The following STK38L variants were observed in gnomAD, a reference collection of about 807,000 sequenced individuals.
STK38L encodes serine/threonine kinase 38 like, also known as serine/threonine-protein kinase 38-like.
STK38L carries 28 observed loss-of-function variants against 59.7 expected under a neutral mutation model. The ratio of observed to expected loss-of-function variants is 0.47; its 90% confidence interval spans 0.35 to 0.64. STK38L has a LOEUF of 0.64. STK38L is among the 30% of genes least tolerant of loss of function. STK38L has a pLI of 0.01. For missense variants in STK38L, 314 were observed against 555.8 expected (o/e 0.56, Z 4.37); for synonymous variants, 162 against 176.8 (o/e 0.92, Z 0.66).
chr12:27,265,035 A>G (rs1177589618), intron 1 of STK38L, among the ~76,000 whole-genome samples: 1 of 152,206 alleles, frequency 6.6e-6, no homozygotes, highest in Non-Finnish European at 1.5e-5. Flanking sequence ...AGCTTCTAAT[A>G]GATAAATCTG....
intron 2 of STK38L, among the ~76,000 whole-genome samples, chr12:27,298,970 A>G (rs1463752577): frequency 1.3e-5 from 2 of 152,214 alleles, no homozygotes; most frequent in African/African-American, 2.4e-5. Flanking sequence ...GATACAGAGA[A>G]TGGTTTGGGG....
intron 1 of STK38L, among the ~76,000 whole-genome samples, chr12:27,264,965 C>T (rs937442004): frequency 1.3e-5 from 2 of 152,054 alleles, no homozygotes; most frequent in Non-Finnish European, 2.9e-5. Context: ...TTGTTTAAAG[C>T]CATAGGAAAA....
chr12:27,266,050 C>T (rs1158274388), intron 1 of STK38L, among the ~76,000 whole-genome samples: 1 of 152,142 alleles, frequency 6.6e-6, no homozygotes, highest in Non-Finnish European at 1.5e-5. Flanking sequence ...CTGTGATACC[C>T]TGAAAAGACA....
intron 1 of STK38L, among the ~76,000 whole-genome samples, chr12:27,244,724 G>A (rs1942812574): frequency 6.6e-6 from 1 of 152,174 alleles, no homozygotes; most frequent in African/African-American, 2.4e-5. Flanking sequence ...ATGTCACCCA[G>A]AGCCAGGATC....
intron 1 of STK38L, among the ~76,000 whole-genome samples, chr12:27,279,289 AAT>A (rs1943602328): frequency 6.6e-6 from 1 of 152,234 alleles, no homozygotes; most frequent in South Asian, 2.1e-4. Context: ...GTGAAAATAA[AAT>A]AGTTGGTTTA....
rs909727420 is a variant in STK38L, at chr12:27,308,877, T to C, written c.310-237T>C. Among the ~76,000 whole-genome samples, 7 of 129,566 alleles carry C rather than the reference T, an allele frequency of 5.4e-5. No homozygotes were observed. The East Asian group carries it at 1.4e-3, about 25-fold the overall frequency. 85.0% of individuals were successfully genotyped at this position (129,566 alleles called of 152,430 possible). A position where few individuals can be genotyped will look rare whatever the true frequency, so the allele number is the denominator to read the frequency against. On this transcript the variant is annotated intron_variant, in intron 4 of 13. Coordinates refer to ENST00000389032, the MANE Select transcript of STK38L (RefSeq NM_015000.4). This position sits in a 1 kb window ranked among gnomAD's most constrained non-coding sequence, Gnocchi z 4.5. ...ATAAAAAAATATATATAAATATAAA[T>C]ATATATAAATGTAAATATATAAATA... is the stretch of plus-strand genomic sequence containing the variant.
chr12:27,301,359 A>C (rs1944165890), intron 2 of STK38L, among the ~76,000 whole-genome samples: 1 of 152,170 alleles, frequency 6.6e-6, no homozygotes, highest in South Asian at 2.1e-4. Flanking sequence ...CCCAGGTTCA[A>C]GCAATTCTCC....
At chr12:27,302,823 A>G (rs1944208510) in intron 3 of STK38L, among the ~76,000 whole-genome samples, 1 of 151,678 alleles carries the variant, frequency 6.6e-6, no homozygotes, top group South Asian at 2.1e-4. Context: ...GATCGAGACC[A>G]CGGTGAAACC....
chr12:27,297,128 T>A (rs1194342890), intron 1 of STK38L: 1 of 152,526 alleles, frequency 6.6e-6, no homozygotes, highest in Non-Finnish European at 1.5e-5. Context: ...GAATTCAGAA[T>A]GAAATGGGCA....
chr12:27,306,062 T>TG (rs1944303084), intron 3 of STK38L, among the ~76,000 whole-genome samples: 2 of 152,212 alleles, frequency 1.3e-5, no homozygotes, highest in Admixed American at 1.3e-4. Context: ...ATCAATTTTT[T>TG]TTAACTAATG....
chr12:27,287,229 C>T (rs1591895206), intron 1 of STK38L, among the ~76,000 whole-genome samples: 1 of 152,176 alleles, frequency 6.6e-6, no homozygotes, highest in East Asian at 1.9e-4. Context: ...CCTCAGCCTC[C>T]TGAGTAGCTA....
At chr12:27,299,006 A>T (rs1326527276) in intron 2 of STK38L, among the ~76,000 whole-genome samples, 3 of 152,232 alleles carry the variant, frequency 2.0e-5, no homozygotes, top group Admixed American at 2.0e-4. Flanking sequence ...AGAAACAGGA[A>T]AGTCTAGTGA....
At chr12:27,277,069 C>G (rs767682590) in intron 1 of STK38L, among the ~76,000 whole-genome samples, 1 of 152,118 alleles carries the variant, frequency 6.6e-6, no homozygotes, top group Non-Finnish European at 1.5e-5. Flanking sequence ...ATGTATAACC[C>G]ACCAAATTAT....
chr12:27,310,252 T>C (rs988474773), intron 5 of STK38L, among the ~76,000 whole-genome samples: 2 of 152,026 alleles, frequency 1.3e-5, no homozygotes, highest in Non-Finnish European at 2.9e-5. Context: ...GCAAGGAAGG[T>C]TGAGATACTG....
At chr12:27,315,576 C>T (rs929519007) in intron 9 of STK38L, among the ~76,000 whole-genome samples, 1 of 152,306 alleles carries the variant, frequency 6.6e-6, no homozygotes, top group Admixed American at 6.5e-5. Context: ...ACTGAGCATA[C>T]CTACAAGTAA....
At chr12:27,267,879 T>C (rs1291305857) in intron 1 of STK38L, among the ~76,000 whole-genome samples, 1 of 152,204 alleles carries the variant, frequency 6.6e-6, no homozygotes, top group Non-Finnish European at 1.5e-5. Context: ...TGTTTTCTCT[T>C]CTGTGAAATT....
At chr12:27,301,210 C>A (rs1212446475) in intron 2 of STK38L, among the ~76,000 whole-genome samples, 1 of 152,168 alleles carries the variant, frequency 6.6e-6, no homozygotes, top group Admixed American at 6.5e-5. Flanking sequence ...ATAACTGAAC[C>A]TGGCTGTACC....
chr12:27,291,944 C>G (rs1943905657), intron 1 of STK38L, among the ~76,000 whole-genome samples: 2 of 152,198 alleles, frequency 1.3e-5, no homozygotes, highest in South Asian at 4.1e-4. Context: ...GATACCACAT[C>G]TATTTATAAA....
intron 1 of STK38L, among the ~76,000 whole-genome samples, chr12:27,264,914 C>T (rs1420015032): frequency 6.6e-6 from 1 of 152,086 alleles, no homozygotes; most frequent in Non-Finnish European, 1.5e-5. Context: ...ATGACAAAAA[C>T]ATAGGACTAG....
Sources: allele counts gnomAD v4.1 joint callset (sites outside exome capture counted in the v4.1 genomes callset), GRCh38; gene constraint gnomAD v4.1.1; non-coding constraint Gnocchi (gnomAD v3.1); transcripts MANE v1.5; gene names NCBI Gene and HGNC (gene_info 2026-07-23, HGNC 2026-07-21).